BTBD9: variants seen among roughly 807,000 people sequenced by gnomAD.
BTBD9 encodes the protein BTB/POZ domain-containing protein 9.
BTBD9 carries 49 observed loss-of-function variants against 64.3 expected under a neutral mutation model. That is an observed-to-expected ratio of 0.76 (90% CI 0.61 to 0.97). The LOEUF (loss-of-function observed/expected upper bound fraction) is 0.97, where lower values mean the gene tolerates loss of function less well. Among genes scored for constraint, BTBD9 ranks in the 50% least tolerant of loss-of-function variants. BTBD9 has a pLI of 0.00. For synonymous variants in BTBD9, 260 were observed against 274.7 expected (o/e 0.95, Z 0.53); for missense variants, 598 against 762.1 (o/e 0.78, Z 2.53).
At chr6:38,298,625 C>T (rs551724244) in intron 7 of BTBD9, among the ~76,000 whole-genome samples, 5 of 152,192 alleles carry the variant, frequency 3.3e-5, no homozygotes, top group African/African-American at 1.2e-4. Context: ...ATATTTGTAC[C>T]CTTTAACCAG....
At chr6:38,608,141 C>G (rs186029737) in intron 1 of BTBD9, among the ~76,000 whole-genome samples, 6 of 152,104 alleles carry the variant, frequency 3.9e-5, no homozygotes, top group African/African-American at 7.2e-5. Context: ...ATATGACTCC[C>G]TATAAGGCAA....
At chr6:38,635,317 G>C (rs1271106751) in intron 1 of BTBD9, among the ~76,000 whole-genome samples, 1 of 151,938 alleles carries the variant, frequency 6.6e-6, no homozygotes, top group Non-Finnish European at 1.5e-5. Context: ...TATATTTTTA[G>C]TAGAGATAGG....
chr6:38,596,171 G>A, intron 2 of BTBD9: 1 of 536,624 alleles, frequency 1.9e-6, no homozygotes, highest in African/African-American at 2.1e-5. Context: ...CCTGTCTAAG[G>A]TAGCATTGAG....
At chr6:38,278,015 T>TAA (rs1761347398) in intron 8 of BTBD9, among the ~76,000 whole-genome samples, 4 of 152,222 alleles carry the variant, frequency 2.6e-5, no homozygotes, top group Admixed American at 2.6e-4. Flanking sequence ...CTAATAATTC[T>TAA]AAGTGAAAGT....
intron 7 of BTBD9, among the ~76,000 whole-genome samples, chr6:38,316,179 G>A (rs1456780068): frequency 6.6e-6 from 1 of 152,044 alleles, no homozygotes; most frequent in African/African-American, 2.4e-5. Flanking sequence ...TATCACTTTA[G>A]TTTCAGTCTA....
rs1012952606 is a variant in BTBD9 at position 38,498,685 on chromosome 6, C to T, written c.1154+78915G>A. ...ACTATTTCTACACACCATCCAATTTCAAAATTATTTGATTCTAAAACCCAA... is the reference window on the plus strand; with the variant it reads ...ACTATTTCTACACACCATCCAATTTTAAAATTATTTGATTCTAAAACCCAA... On this transcript the variant is annotated intron_variant, in intron 6 of 10. Transcript: ENST00000481247. Among the ~76,000 whole-genome samples, 11 of 152,174 alleles carry T rather than the reference C, an allele frequency of 7.2e-5. No individual in the cohort carries two copies. The Middle Eastern group carries it at 0.01, about 141-fold the overall frequency.
In BTBD9 at chr6:38,379,425, G is replaced by A. The variant is rs77057089; in HGVS notation, c.1155-34332C>T. 7.6e-3 allele frequency among the ~76,000 whole-genome samples: 1,154 copies of A among 152,210 alleles called. 7 individuals are homozygous for A. Among genetic ancestry groups the A allele is most frequent in the South Asian group, 0.017 (80 of 4,816 alleles). On this transcript the variant is annotated intron_variant, in intron 6 of 10. Transcript: ENST00000481247. ...TCTGTAATCTGACAAATCTTCTAGC[G>A]GGTTTGCTCTACTAAAATAAGGGAT... is the stretch of plus-strand genomic sequence containing the variant.
At chr6:38,530,677 GACCTTTC>G (rs1273701351) in intron 6 of BTBD9, among the ~76,000 whole-genome samples, 1 of 151,998 alleles carries the variant, frequency 6.6e-6, no homozygotes, top group Non-Finnish European at 1.5e-5. Flanking sequence ...AGAGATAGGT[GACCTTTC>G]AGACAGAGAA....
chr6:38,338,614 T>C (rs1477528982), intron 7 of BTBD9, among the ~76,000 whole-genome samples: 1 of 151,936 alleles, frequency 6.6e-6, no homozygotes, highest in Non-Finnish European at 1.5e-5. Flanking sequence ...AGCAGAGAGG[T>C]AGAACCAGGG....
intron 6 of BTBD9, among the ~76,000 whole-genome samples, chr6:38,387,305 G>A (rs1025223781): frequency 6.6e-6 from 1 of 152,236 alleles, no homozygotes; most frequent in African/African-American, 2.4e-5. Flanking sequence ...GGGAGGCTGA[G>A]GCGGGAGGAT....
intron 1 of BTBD9, among the ~76,000 whole-genome samples, chr6:38,627,275 C>A (rs996803003): frequency 2.6e-5 from 4 of 152,150 alleles, no homozygotes; most frequent in African/African-American, 9.7e-5. Flanking sequence ...AAATTAAATT[C>A]TCATAATCCA....
At chr6:38,270,476 T>A (rs781759269) in intron 8 of BTBD9, among the ~76,000 whole-genome samples, 5 of 152,042 alleles carry the variant, frequency 3.3e-5, no homozygotes, top group Admixed American at 1.3e-4. Context: ...ATCCTCCCAC[T>A]CTGGCACTGA....
At chr6:38,347,428 T>C (rs777546859) in intron 6 of BTBD9, among the ~76,000 whole-genome samples, 5 of 152,216 alleles carry the variant, frequency 3.3e-5, no homozygotes, top group Non-Finnish European at 5.9e-5. Flanking sequence ...CAGCCTGTTA[T>C]ATGTAATGCT....
rs149656439 is a variant in BTBD9, at chr6:38,291,219, C to A, written c.1265-2758G>T. Among the ~76,000 whole-genome samples, 1,403 of 152,248 alleles carry A rather than the reference C, an allele frequency of 9.2e-3. 19 individuals are homozygous for A. Among genetic ancestry groups the A allele is most frequent in the Non-Finnish European group, 0.013 (858 of 68,012 alleles). On this transcript the variant is annotated intron_variant, in intron 7 of 10. Coordinates refer to ENST00000481247, the MANE Select transcript of BTBD9 (RefSeq NM_001099272.2). ...TGAAGAGGTCCTTTACATCCCTTGTCAGTTGGATTCCTAGGTATTTTATTC... is the reference window on the plus strand; with the variant it reads ...TGAAGAGGTCCTTTACATCCCTTGTAAGTTGGATTCCTAGGTATTTTATTC...
At chr6:38,353,474 C>T (rs929290543) in intron 6 of BTBD9, among the ~76,000 whole-genome samples, 7 of 152,016 alleles carry the variant, frequency 4.6e-5, no homozygotes, top group African/African-American at 1.4e-4. Context: ...AAGAGAAAAA[C>T]GAATATGAAC....
At chr6:38,422,827 C>T (rs960480802) in intron 6 of BTBD9, among the ~76,000 whole-genome samples, 7 of 151,970 alleles carry the variant, frequency 4.6e-5, no homozygotes, top group Non-Finnish European at 8.8e-5. Flanking sequence ...TGGCCAGATG[C>T]GGTGGCTCAC....
intron 6 of BTBD9, among the ~76,000 whole-genome samples, chr6:38,531,607 T>C (rs867782764): frequency 3.9e-4 from 59 of 152,278 alleles, no homozygotes; most frequent in African/African-American, 1.3e-3. Context: ...GACTAAAAGA[T>C]GAACTGATCA....
At chr6:38,317,230 C>T (rs919085062) in intron 7 of BTBD9, among the ~76,000 whole-genome samples, 1 of 152,002 alleles carries the variant, frequency 6.6e-6, no homozygotes, top group African/African-American at 2.4e-5. Flanking sequence ...CTCCTGACCT[C>T]GTGATCTACC....
chr6:38,403,582 T>C (rs1268070074), intron 6 of BTBD9, among the ~76,000 whole-genome samples: 5 of 152,090 alleles, frequency 3.3e-5, no homozygotes, highest in Admixed American at 2.0e-4. Flanking sequence ...TGACAATGAG[T>C]GTTGATGAGA....
Sources: gnomAD v4.1 joint callset for allele counts (sites outside exome capture counted in the v4.1 genomes callset) on GRCh38, gnomAD v4.1.1 for gene constraint, MANE v1.5 for transcripts, NCBI Gene and HGNC (gene_info 2026-07-23, HGNC 2026-07-21) for gene names.